SMG9: variants seen among roughly 807,000 people sequenced by gnomAD.
The protein encoded by SMG9 is SMG9 nonsense mediated mRNA decay factor, also known as nonsense-mediated mRNA decay factor SMG9.
SMG9 carries 55 observed loss-of-function variants against 64.0 expected under a neutral mutation model. That is an observed-to-expected ratio of 0.86 (90% CI 0.69 to 1.08). The LOEUF is 1.08. Among genes scored for constraint, SMG9 ranks in the 50% least tolerant of loss-of-function variants. The pLI, the probability that SMG9 is intolerant of heterozygous loss-of-function variation, is 0.00. For synonymous variants in SMG9, 244 were observed against 254.8 expected, an observed-to-expected ratio of 0.96 and a Z score of 0.41; for missense variants, 554 against 681.3, an observed-to-expected ratio of 0.81 and a Z score of 2.08.
intron 12 of SMG9, 130 bp downstream of exon 12, chr19:43,733,194 A>C: frequency 7.2e-7 from 1 of 1,393,696 alleles, no homozygotes; most frequent in Non-Finnish European, 9.8e-7. Context: ...ATCTTCTCTC[A>C]GACCAGGTAG....
chr19:43,754,345 C>T (rs1969287027), intron 1 of SMG9: 1 of 152,238 alleles, frequency 6.6e-6, no homozygotes, highest in Admixed American at 6.5e-5. Flanking sequence ...CAAAGCTTCC[C>T]TCGGGGAACC....
At position 43,731,339 on chromosome 19, in the gene SMG9, T is replaced by TC; in HGVS notation, c.*256dup. On this transcript the variant is annotated 3_prime_UTR_variant, in exon 14 of 14. Transcript: ENST00000270066. ...CCATTCAGACTCCTCCCACTGCTTG[T>TC]CCCTGTGGAGGACACAGGACGGGCT... 7.8e-7 allele frequency: 1 copy of TC among 1,288,596 alleles called. No homozygotes were observed. Among genetic ancestry groups the TC allele is most frequent in the Non-Finnish European group, 9.9e-7 (1 of 1,014,090 alleles). The allele number at this position is 1,288,596 out of a possible 1,614,324, so 79.8% of individuals were successfully genotyped here. A position where few individuals can be genotyped will look rare whatever the true frequency, so the allele number is the denominator to read the frequency against.
intron 9 of SMG9, chr19:43,734,786 G>A (rs1442651494): frequency 3.6e-6 from 1 of 278,828 alleles, no homozygotes; most frequent in African/African-American, 2.2e-5. Flanking sequence ...AAAGCACGTA[G>A]CGTTCCCACA....
At position 43,733,758 on chromosome 19, in the gene SMG9, T is replaced by C. The variant is rs1046037343; in HGVS notation, c.1103-25A>G. On this transcript the variant is annotated intron_variant, in intron 10 of 13. Transcript: ENST00000270066. Reference sequence around the variant, plus strand: ...ACTGAGGGTGGGAAGAGACGGGCCCTGTCAGGCAGACATCGCTTGGCTTCA... The same window carrying C: ...ACTGAGGGTGGGAAGAGACGGGCCCCGTCAGGCAGACATCGCTTGGCTTCA... 3 of 1,575,460 alleles carry C rather than the reference T, an allele frequency of 1.9e-6. No homozygotes were observed. The Admixed American group carries it at 5.0e-5, about 26-fold the overall frequency.
rs1968361727 is a variant in SMG9, at chr19:43,728,156, C to T, written c.*3440G>A. ...TTGGATCTGTGTCCCCACCAGATCTCATGTCAACTTGTAGTTTGTAGTCAC... is the reference window on the plus strand; with the variant it reads ...TTGGATCTGTGTCCCCACCAGATCTTATGTCAACTTGTAGTTTGTAGTCAC... On this transcript the variant is annotated 3_prime_UTR_variant, in exon 14 of 14. Transcript: ENST00000270066. The T allele has an allele frequency of 6.6e-6, 1 of 152,172 alleles. No individual in the cohort carries two copies. Among genetic ancestry groups the T allele is most frequent in the South Asian group, 2.1e-4 (1 of 4,834 alleles). The allele number at this position is 152,172 out of a possible 1,614,324, so 9.4% of individuals were successfully genotyped here.
intron 2 of SMG9, chr19:43,748,835 T>G (rs779245786): frequency 3.9e-5 from 20 of 517,712 alleles, no homozygotes; most frequent in Admixed American, 2.5e-4. Flanking sequence ...TTCACTGGCT[T>G]ACGGTGAAGA....
intron 1 of SMG9, among the ~76,000 whole-genome samples, chr19:43,751,321 G>C (rs1193677832): frequency 1.3e-5 from 2 of 151,616 alleles, no homozygotes. Flanking sequence ...ATTTTTAGTA[G>C]AGATGGGGTT....
rs1968473908 is a variant in SMG9, at chr19:43,731,242, G to C, written c.*354C>G. ...CTCACCTTACAGGGAAGGGCTTAGAGTCAGGGAAGAGGGGCCTGTTGCTCC... is the reference window on the plus strand; with the variant it reads ...CTCACCTTACAGGGAAGGGCTTAGACTCAGGGAAGAGGGGCCTGTTGCTCC... On this transcript the variant is annotated 3_prime_UTR_variant, in exon 14 of 14. Coordinates refer to ENST00000270066, the MANE Select transcript of SMG9 (RefSeq NM_019108.4). 5 of 1,090,642 alleles carry C rather than the reference G, an allele frequency of 4.6e-6. No homozygotes were observed. Among genetic ancestry groups the C allele is most frequent in the Non-Finnish European group, 5.6e-6 (5 of 894,330 alleles). The allele number at this position is 1,090,642 out of a possible 1,614,324, so 67.6% of individuals were successfully genotyped here.
At chr19:43,733,520 G>T (rs1470829408) in intron 11 of SMG9, 68 bp from the exon 12 acceptor site, 27 of 1,610,418 alleles carry the variant, frequency 1.7e-5, no homozygotes, top group Non-Finnish European at 2.0e-5. Context: ...ATTGTTGACA[G>T]TCAAAGCAGG....
At chr19:43,749,318 G>C (rs936254516) in intron 2 of SMG9, among the ~76,000 whole-genome samples, 15 of 152,178 alleles carry the variant, frequency 9.9e-5, no homozygotes, top group Non-Finnish European at 1.9e-4. Context: ...GAAAAAAATG[G>C]GAAGAGGAAA....
chr19:43,740,301 G>T, intron 6 of SMG9, 83 bp from the exon 7 acceptor site: 2 of 1,018,494 alleles, frequency 2.0e-6, no homozygotes, highest in Non-Finnish European at 1.6e-6. Flanking sequence ...TGTGAGCTGA[G>T]CATGTGAGCC....
At position 43,747,773 on chromosome 19, in the gene SMG9, G is replaced by A; in HGVS notation, c.350C>T (p.Ser117Phe). 1 of 1,608,560 alleles carries A rather than the reference G, an allele frequency of 6.2e-7. No homozygotes were observed. Among genetic ancestry groups the A allele is most frequent in the Non-Finnish European group, 8.5e-7 (1 of 1,177,772 alleles). The change falls in exon 4 of 14, where the codon TCT (serine) becomes TTT (phenylalanine). Residue 117 changes from serine to phenylalanine, a missense_variant. Physicochemically the swap from Ser to Phe is radical, Grantham distance 155. Coordinates refer to ENST00000270066, the MANE Select transcript of SMG9 (RefSeq NM_019108.4). Reference protein sequence around the residue: ...GKGPVAVTGASTPEGTAPPPP... With the variant: ...GKGPVAVTGAFTPEGTAPPPP... Reference sequence around the variant, plus strand: ...TGGTGGGGCGGTGCCCTCAGGGGTAGAGGCACCTGTCACGGCCACAGGCCC... The same window carrying A: ...TGGTGGGGCGGTGCCCTCAGGGGTAAAGGCACCTGTCACGGCCACAGGCCC...
Position 43,729,230 on chromosome 19 carries a change from G to A in SMG9, c.*2366C>T, listed in dbSNP as rs142355670. The A allele has an allele frequency of 6.0e-4, 96 of 159,206 alleles. No homozygotes were observed. Among genetic ancestry groups the A allele is most frequent in the Non-Finnish European group, 1.1e-3 (85 of 74,368 alleles). The allele number at this position is 159,206 out of a possible 1,614,324, so 9.9% of individuals were successfully genotyped here. ...TCACCACGGTGGTGGTGGTGGAAAC[G>A]CTAGGCCGGATTTCCAGAGTGCCTC... On this transcript the variant is annotated 3_prime_UTR_variant, in exon 14 of 14. Transcript: ENST00000270066.
In SMG9 at chr19:43,729,312, C is replaced by T. The variant is rs1035952993; in HGVS notation, c.*2284G>A. On this transcript the variant is annotated 3_prime_UTR_variant, in exon 14 of 14. Transcript: ENST00000270066. ...CAGCACCTCCTTCACCACCATCTAC[C>T]GGATGCTTCACACGCCCCTGGATTT... is the stretch of plus-strand genomic sequence containing the variant. 6 of 152,236 alleles carry T rather than the reference C, an allele frequency of 3.9e-5. No homozygotes were observed. Among genetic ancestry groups the T allele is most frequent in the South Asian group, 2.1e-4 (1 of 4,836 alleles). The allele number at this position is 152,236 out of a possible 1,614,324, so 9.4% of individuals were successfully genotyped here. A position where few individuals can be genotyped will look rare whatever the true frequency, so the allele number is the denominator to read the frequency against.
Position 43,740,098 on chromosome 19 carries a change from G to A in SMG9, c.813+9C>T, listed in dbSNP as rs774654455. ...GGCAGGGTGGGGCAAAGGCAGGCGGGGCTGGCACCTGTGTGTCCAGGAAAA... is the reference window on the plus strand; with the variant it reads ...GGCAGGGTGGGGCAAAGGCAGGCGGAGCTGGCACCTGTGTGTCCAGGAAAA... On this transcript the variant is annotated intron_variant, in intron 7 of 13. Coordinates refer to ENST00000270066, the MANE Select transcript of SMG9 (RefSeq NM_019108.4). 1.3e-6 allele frequency: 2 copies of A among 1,590,502 alleles called. No individual in the cohort carries two copies. The highest frequency in any genetic ancestry group is 2.2e-5 in the East Asian group (1 of 44,754).
rs1408163546 is a variant in SMG9 at position 43,731,666 on chromosome 19, T to C, written c.1493A>G (p.Tyr498Cys). Residue 498 changes from tyrosine to cysteine, a missense_variant, in exon 14 of 14, where the codon TAC becomes TGC. Coordinates refer to ENST00000270066, the MANE Select transcript of SMG9 (RefSeq NM_019108.4). ...TILTEKNWFH[Y>C]AARIWDGVRK... ...CACCCCATCCCAGATCCGGGCAGCG[T>C]AGTGGAACCTGTGAGGAGGCCAACA... 6.2e-7 allele frequency: 1 copy of C among 1,614,186 alleles called. No homozygotes were observed. Among genetic ancestry groups the C allele is most frequent in the Non-Finnish European group, 8.5e-7 (1 of 1,180,022 alleles).
intron 2 of SMG9, 30 bp downstream of exon 2, chr19:43,750,562 T>G (rs1163169981): frequency 6.3e-7 from 1 of 1,590,358 alleles, no homozygotes; most frequent in Admixed American, 1.8e-5. Flanking sequence ...AATAGATACA[T>G]GAATGCTGCT....
intron 7 of SMG9, among the ~76,000 whole-genome samples, chr19:43,738,595 T>A (rs754069431): frequency 9.2e-5 from 14 of 151,980 alleles, no homozygotes; most frequent in Admixed American, 6.5e-5. Flanking sequence ...TGAAAACTGG[T>A]GAGAATTTTA....
chr19:43,741,496 A>C lies in SMG9; in HGVS notation c.702-1278T>G, dbSNP rs924904490. 4.6e-5 allele frequency among the ~76,000 whole-genome samples: 7 copies of C among 152,150 alleles called. No homozygotes were observed. The South Asian group carries it at 1.2e-3, about 27-fold the overall frequency. ...CTGGAGAAGCTGCTGGAGAGATGTA[A>C]GTAGAGGAGTGACAGGATCAGACTG... is the stretch of plus-strand genomic sequence containing the variant. On this transcript the variant is annotated intron_variant, in intron 6 of 13. Transcript: ENST00000270066.
Sources: allele counts gnomAD v4.1 joint callset (sites outside exome capture counted in the v4.1 genomes callset), GRCh38; gene constraint gnomAD v4.1.1; transcripts MANE v1.5; gene names NCBI Gene and HGNC (gene_info 2026-07-23, HGNC 2026-07-21).